The following DLG1 variants were observed in gnomAD, a reference collection of about 807,000 sequenced individuals.
The protein encoded by DLG1 is disks large homolog 1.
Under a neutral mutation model 123.4 loss-of-function variants are expected in DLG1, and 42 were observed. The observed-to-expected ratio is 0.34, with a 90% confidence interval of 0.27 to 0.44. DLG1 has a LOEUF of 0.44. Among genes scored for constraint, DLG1 ranks in the 20% least tolerant of loss-of-function variants. The pLI is 1.00. For missense variants in DLG1, 942 were observed against 1,082.6 expected (o/e 0.87, Z 1.82); for synonymous variants, 317 against 356.2 (o/e 0.89, Z 1.24).
chr3:197,088,579 T>C (rs186920400), intron 15 of DLG1, among the ~76,000 whole-genome samples: 2 of 152,186 alleles, frequency 1.3e-5, no homozygotes, highest in Admixed American at 1.3e-4. Flanking sequence ...TGTGACATAG[T>C]AGACAGCCAA....
chr3:197,278,282 CAAAAAAAAAAAAAAA>C (rs71164203), intron 4 of DLG1, among the ~76,000 whole-genome samples: 136 of 37,538 alleles, frequency 3.6e-3, no homozygotes, highest in African/African-American at 0.015. Context: ...GACTCTGTCC[CAAAAAAAAAAAAAAA>C]AAAAAAAAAA....
chr3:197,114,987 G>GAAAAAA (rs375841391), intron 13 of DLG1, among the ~76,000 whole-genome samples: 5 of 86,074 alleles, frequency 5.8e-5, no homozygotes, highest in African/African-American at 2.5e-4. Context: ...CCATCTCAAG[G>GAAAAAA]AAAAAAAAAA....
At chr3:197,210,041 T>C (rs1730518227) in intron 4 of DLG1, among the ~76,000 whole-genome samples, 1 of 146,520 alleles carries the variant, frequency 6.8e-6, no homozygotes, top group Non-Finnish European at 1.5e-5. Context: ...TTTTAATCTG[T>C]ATCCTTTCAA....
At chr3:197,143,432 A>AT in intron 6 of DLG1, among the ~76,000 whole-genome samples, 1 of 151,852 alleles carries the variant, frequency 6.6e-6, no homozygotes, top group East Asian at 1.9e-4. Flanking sequence ...AATTTTTTGT[A>AT]TTTTTAGTAG....
rs146308665 is a variant in DLG1 at position 197,201,106 on chromosome 3, G to A, written c.319-6517C>T. ...AAAAACTCTAAAGACTCCACCGGCC[G>A]GGCGCAGTGGCTCACGCCTCTAATC... is the stretch of plus-strand genomic sequence containing the variant. On this transcript the variant is annotated intron_variant, in intron 4 of 24. Transcript: ENST00000667157. Among the ~76,000 whole-genome samples, 1,485 of 152,278 alleles carry A rather than the reference G, an allele frequency of 9.8e-3. 18 individuals are homozygous for A. Among genetic ancestry groups the A allele is most frequent in the African/African-American group, 0.023 (976 of 41,564 alleles).
chr3:197,158,352 G>C (rs1797243774), intron 5 of DLG1, among the ~76,000 whole-genome samples: 1 of 151,928 alleles, frequency 6.6e-6, no homozygotes, highest in Non-Finnish European at 1.5e-5. Flanking sequence ...GCTGGATGCA[G>C]TGGCTCATGC....
chr3:197,203,124 G>A (rs1405822319), intron 4 of DLG1, among the ~76,000 whole-genome samples: 2 of 152,244 alleles, frequency 1.3e-5, no homozygotes, highest in East Asian at 1.9e-4. Context: ...TTAGCTGGAT[G>A]TGGTGATGTG....
intron 3 of DLG1, among the ~76,000 whole-genome samples, chr3:197,285,994 GTAGA>G (rs1771644214): frequency 6.6e-6 from 1 of 152,186 alleles, no homozygotes; most frequent in Admixed American, 6.5e-5. Context: ...TAACAGGTGA[GTAGA>G]TAAACTGTAG....
At chr3:197,052,579 T>C (rs1728665837) in intron 23 of DLG1, among the ~76,000 whole-genome samples, 1 of 152,218 alleles carries the variant, frequency 6.6e-6, no homozygotes, top group South Asian at 2.1e-4. Context: ...ATCAGCTCAG[T>C]GTAGCCAAAA....
At position 197,138,231 on chromosome 3, in the gene DLG1, C is replaced by T. The variant is rs371237523; in HGVS notation, c.874G>A (p.Gly292Ser). ...TTGACTTACCACATACCTTTAGGAC[C>T]TTTAATGAGCTTTATTTCCATTATT... The part of the protein sequence containing the change: ...EKIMEIKLIK[G>S]PKGLGFSIAG... Residue 292 changes from glycine (G) to serine (S), a missense_variant, in exon 9 of 25, where the codon GGT becomes AGT. Gly to Ser is a moderately conservative substitution (Grantham distance 56). Transcript: ENST00000667157. 8 of 1,574,060 alleles carry T rather than the reference C, an allele frequency of 5.1e-6. No individual in the cohort carries two copies. The highest frequency in any genetic ancestry group is 6.9e-6 in the Non-Finnish European group (8 of 1,155,136).
chr3:197,258,752 A>G (rs1490209828), intron 4 of DLG1, among the ~76,000 whole-genome samples: 3 of 152,214 alleles, frequency 2.0e-5, no homozygotes, highest in African/African-American at 7.2e-5. Flanking sequence ...AAGAAAATCA[A>G]GAATTTTGCT....
At chr3:197,193,105 T>C (rs1279504876) in intron 5 of DLG1, among the ~76,000 whole-genome samples, 1 of 152,098 alleles carries the variant, frequency 6.6e-6, no homozygotes, top group African/African-American at 2.4e-5. Context: ...AAAATCCAGG[T>C]AAATTTTACT....
At chr3:197,146,831 C>T (rs182083924) in intron 6 of DLG1, among the ~76,000 whole-genome samples, 33 of 152,180 alleles carry the variant, frequency 2.2e-4, no homozygotes, top group African/African-American at 7.0e-4. Context: ...TTCTGCACAA[C>T]AAAATAATCA....
Position 197,090,993 on chromosome 3 carries a change from A to G in DLG1, c.1580T>C (p.Leu527Ser). The change falls in exon 15 of 25, where the codon TTA (leucine) becomes TCA (serine). Residue 527 changes from leucine (L) to serine (S), a missense_variant. Leu to Ser is a moderately radical substitution (Grantham distance 145). Transcript: ENST00000667157. ...YSRFEAKIHD[L>S]REQMMNSSIS... The stretch of plus-strand genomic sequence containing the variant: ...ACTACTATTCATCATCTGCTCCCGT[A>G]AATCATGTATTTTAGCTTCAAAACG... The G allele has an allele frequency of 6.2e-7, 1 of 1,612,392 alleles. No homozygotes were observed. Among genetic ancestry groups the G allele is most frequent in the Non-Finnish European group, 8.5e-7 (1 of 1,178,800 alleles).
chr3:197,084,746 A>C (rs1753234313), intron 16 of DLG1, among the ~76,000 whole-genome samples: 1 of 138,106 alleles, frequency 7.2e-6, no homozygotes, highest in South Asian at 2.3e-4. Context: ...GATTATTTTT[A>C]ATTTTTTTAT....
Position 197,297,304 on chromosome 3 carries a change from T to G in DLG1, c.-31-69A>C, listed in dbSNP as rs558490769. 458 of 1,580,020 alleles carry G rather than the reference T, an allele frequency of 2.9e-4. 1 individual carries two copies. The highest frequency in any genetic ancestry group is 5.6e-4 in the South Asian group (49 of 87,108). The stretch of plus-strand genomic sequence containing the variant: ...AAACTAGCATTTTCCCCTATCGAAA[T>G]AGAAAACCCTCGCAGCCTATTTGAA... On this transcript the variant is annotated intron_variant, in intron 1 of 24. Coordinates refer to ENST00000667157, the MANE Select transcript of DLG1 (RefSeq NM_001366207.1).
chr3:197,263,944 G>GA (rs1360115171), intron 4 of DLG1, among the ~76,000 whole-genome samples: 1 of 152,150 alleles, frequency 6.6e-6, no homozygotes, highest in Non-Finnish European at 1.5e-5. Flanking sequence ...AAAACAGCCT[G>GA]AAACAATCCT....
intron 11 of DLG1, among the ~76,000 whole-genome samples, chr3:197,128,342 T>G (rs1424624006): frequency 6.6e-6 from 1 of 152,208 alleles, no homozygotes; most frequent in African/African-American, 2.4e-5. Context: ...AGCAACTCCT[T>G]AGTTGTTAAA....
intron 5 of DLG1, among the ~76,000 whole-genome samples, chr3:197,155,342 T>C (rs987927970): frequency 2.0e-5 from 3 of 152,082 alleles, no homozygotes; most frequent in Non-Finnish European, 4.4e-5. Context: ...AGCAAGACAG[T>C]CCCTCAAAAT....
Sources: allele counts gnomAD v4.1 joint callset (sites outside exome capture counted in the v4.1 genomes callset), GRCh38; gene constraint gnomAD v4.1.1; transcripts MANE v1.5; gene names NCBI Gene and HGNC (gene_info 2026-07-23, HGNC 2026-07-21).